ABCA13: variants seen among roughly 807,000 people sequenced by gnomAD.
ABCA13 encodes the protein ATP-binding cassette sub-family A member 13.
ABCA13 carries 476 observed loss-of-function variants against 478.7 expected under a neutral mutation model. That is an observed-to-expected ratio of 0.99 (90% CI 0.92 to 1.07). ABCA13 has a LOEUF of 1.07. Among genes scored for constraint, ABCA13 ranks in the 50% least tolerant of loss-of-function variants. The probability of loss-of-function intolerance (pLI) is 0.00; values close to 1 mark genes in which losing one functional copy is unlikely to be tolerated. For missense variants in ABCA13, 6,060 were observed against 5,910.6 expected (o/e 1.03, Z -0.83); for synonymous variants, 2,252 against 2,158.9 (o/e 1.04, Z -1.20).
intron 29 of ABCA13, among the ~76,000 whole-genome samples, chr7:48,346,164 C>T (rs1441611596): frequency 2.0e-5 from 3 of 152,096 alleles, no homozygotes; most frequent in Non-Finnish European, 4.4e-5. Context: ...CCTTTTTATG[C>T]CGCATTTCTC....
At chr7:48,458,052 CT>C (rs1302381471) in intron 43 of ABCA13, among the ~76,000 whole-genome samples, 3 of 152,166 alleles carry the variant, frequency 2.0e-5, no homozygotes, top group Non-Finnish European at 4.4e-5. Flanking sequence ...ACATTCATTA[CT>C]TTTCTTCTGC....
chr7:48,261,000 T>C (rs1414381973), intron 15 of ABCA13, among the ~76,000 whole-genome samples: 1 of 151,924 alleles, frequency 6.6e-6, no homozygotes, highest in Non-Finnish European at 1.5e-5. Context: ...AAAATGTCTT[T>C]TTTTTTTACT....
intron 55 of ABCA13, among the ~76,000 whole-genome samples, chr7:48,564,280 T>A (rs566084419): frequency 2.6e-5 from 4 of 152,206 alleles, no homozygotes; most frequent in African/African-American, 9.6e-5. Flanking sequence ...TCTTTTTTTT[T>A]TTGAGGTAAA....
chr7:48,284,873 A>G (rs1797512639), intron 19 of ABCA13, among the ~76,000 whole-genome samples: 2 of 152,202 alleles, frequency 1.3e-5, no homozygotes, highest in Non-Finnish European at 2.9e-5. Flanking sequence ...GGAATTGACC[A>G]ATGTGGGCAA....
chr7:48,508,081 C>T (rs749870488), intron 50 of ABCA13, 32 bp downstream of exon 50: 2 of 1,613,324 alleles, frequency 1.2e-6, no homozygotes, highest in Non-Finnish European at 1.7e-6. Context: ...CTGTGTGCCT[C>T]CACAATAGTG....
intron 1 of ABCA13, among the ~76,000 whole-genome samples, chr7:48,178,855 C>T (rs1053265732): frequency 6.6e-6 from 1 of 151,132 alleles, no homozygotes; most frequent in African/African-American, 2.4e-5. Context: ...CTCTAGGTTG[C>T]TCTTTTGCTG....
chr7:48,439,837 C>T (rs563786939), intron 42 of ABCA13, among the ~76,000 whole-genome samples: 107 of 152,136 alleles, frequency 7.0e-4, no homozygotes, highest in African/African-American at 2.5e-3. Flanking sequence ...ATGTCTTCAC[C>T]TTTGTCATAT....
At chr7:48,310,191 G>A (rs1801561312) in intron 24 of ABCA13, 50 bp downstream of exon 24, 1 of 1,553,666 alleles carries the variant, frequency 6.4e-7, no homozygotes, top group African/African-American at 1.4e-5. Flanking sequence ...ACTCTGCTGT[G>A]GTGGCTGCAG....
At chr7:48,363,702 C>T (rs1345055599) in intron 31 of ABCA13, among the ~76,000 whole-genome samples, 3 of 151,946 alleles carry the variant, frequency 2.0e-5, no homozygotes, top group African/African-American at 7.2e-5. Context: ...ATCAATTTGG[C>T]CTGTGTTTCT....
At chr7:48,421,931 C>T (rs898440216) in intron 41 of ABCA13, among the ~76,000 whole-genome samples, 1 of 151,626 alleles carries the variant, frequency 6.6e-6, no homozygotes, top group Non-Finnish European at 1.5e-5. Context: ...CTCCTGTGTG[C>T]AGCTCATCTT....
intron 19 of ABCA13, among the ~76,000 whole-genome samples, chr7:48,285,869 A>G (rs911953760): frequency 2.0e-5 from 3 of 152,202 alleles, no homozygotes; most frequent in Admixed American, 6.5e-5. Flanking sequence ...CACATTTTAT[A>G]TTTCCTACAA....
At chr7:48,276,980 A>G (rs928702170) in intron 17 of ABCA13, among the ~76,000 whole-genome samples, 1 of 152,206 alleles carries the variant, frequency 6.6e-6, no homozygotes, top group African/African-American at 2.4e-5. Context: ...TGGTATTTGC[A>G]TTTAGAGACA....
intron 8 of ABCA13, among the ~76,000 whole-genome samples, chr7:48,235,700 C>T (rs1289301748): frequency 2.6e-5 from 4 of 152,002 alleles, no homozygotes; most frequent in African/African-American, 4.8e-5. Flanking sequence ...CTTTTTTTCT[C>T]TATTATTCCA....
intron 55 of ABCA13, among the ~76,000 whole-genome samples, chr7:48,556,307 C>T (rs1785820714): frequency 6.6e-6 from 1 of 151,778 alleles, no homozygotes; most frequent in Non-Finnish European, 1.5e-5. Flanking sequence ...TCTGCAGTAT[C>T]TGTTAGATCC....
intron 38 of ABCA13, among the ~76,000 whole-genome samples, chr7:48,399,886 A>G (rs1194840359): frequency 6.6e-6 from 1 of 152,210 alleles, no homozygotes; most frequent in African/African-American, 2.4e-5. Flanking sequence ...CAGCAGTTAT[A>G]GAACAGGATT....
At chr7:48,600,441 A>G (rs1316889047) in intron 58 of ABCA13, among the ~76,000 whole-genome samples, 2 of 152,144 alleles carry the variant, frequency 1.3e-5, no homozygotes, top group African/African-American at 4.8e-5. Context: ...TGGCTGAAGT[A>G]ACATTGACTG....
At chr7:48,265,604 A>T (rs995504300) in intron 15 of ABCA13, among the ~76,000 whole-genome samples, 1 of 151,690 alleles carries the variant, frequency 6.6e-6, no homozygotes, top group South Asian at 2.1e-4. Context: ...ATATATAAAT[A>T]TACATTTAAT....
At chr7:48,472,862 A>G (rs1827656336) in intron 45 of ABCA13, among the ~76,000 whole-genome samples, 1 of 152,142 alleles carries the variant, frequency 6.6e-6, no homozygotes, top group African/African-American at 2.4e-5. Flanking sequence ...CTGTGCATGC[A>G]TTAGGGGCGG....
intron 29 of ABCA13, among the ~76,000 whole-genome samples, chr7:48,347,858 A>G (rs1563095213): frequency 6.6e-6 from 1 of 152,366 alleles, no homozygotes; most frequent in East Asian, 1.9e-4. Flanking sequence ...AGTGCTCTCT[A>G]TGTGCCAGAC....
Sources: allele counts gnomAD v4.1 joint callset (sites outside exome capture counted in the v4.1 genomes callset), GRCh38; gene constraint gnomAD v4.1.1; transcripts MANE v1.5; gene names NCBI Gene and HGNC (gene_info 2026-07-23, HGNC 2026-07-21).